Variants in SLCO6A1 observed in about 807,000 individuals in gnomAD.
SLCO6A1 encodes the protein cancer/testis antigen 48.
In SLCO6A1, 65 loss-of-function variants were observed where a neutral mutation model predicts 72.7. The ratio of observed to expected loss-of-function variants is 0.89; its 90% CI spans 0.73 to 1.10. The LOEUF (loss-of-function observed/expected upper bound fraction) is 1.10. SLCO6A1 is among the 50% of genes least tolerant of loss of function. SLCO6A1 has a pLI of 0.00. For synonymous variants in SLCO6A1, 314 were observed against 298.2 expected (o/e 1.05, Z -0.55); for missense variants, 874 against 872.6 (o/e 1.00, Z -0.02).
At position 102,426,885 on chromosome 5, in the gene SLCO6A1, T is replaced by C. The variant is rs541954223; in HGVS notation, c.1277-6864A>G. On this transcript the variant is annotated intron_variant, in intron 7 of 13. Transcript: ENST00000506729. ...AAGCAACCCAAATGCCCATTCATGA[T>C]AGACGGGATAAAGAAAATGTGGCAC... Among the ~76,000 whole-genome samples, 5 of 152,018 alleles carry C rather than the reference T, an allele frequency of 3.3e-5. No individual in the cohort carries two copies. The South Asian group carries it at 1.0e-3, about 31-fold the overall frequency.
intron 6 of SLCO6A1, among the ~76,000 whole-genome samples, chr5:102,456,316 G>T (rs925754367): frequency 3.3e-5 from 5 of 152,112 alleles, no homozygotes; most frequent in Admixed American, 2.6e-4. Context: ...AAGTCAAATT[G>T]TCCCTGTTTG....
chr5:102,376,901 G>C (rs1372434738), intron 12 of SLCO6A1, among the ~76,000 whole-genome samples: 1 of 152,100 alleles, frequency 6.6e-6, no homozygotes, highest in Non-Finnish European at 1.5e-5. Flanking sequence ...ACAGTGGCTA[G>C]CACCTGTAAT....
In SLCO6A1 at chr5:102,376,930, G is replaced by A. The variant is rs540394363; in HGVS notation, c.2018-3436C>T. Among the ~76,000 whole-genome samples the A allele has an allele frequency of 9.3e-4, 141 of 152,230 alleles. 1 individual carries two copies. The highest frequency in any genetic ancestry group is 3.0e-3 in the African/African-American group (124 of 41,560). On this transcript the variant is annotated intron_variant, in intron 12 of 13. Transcript: ENST00000506729. Reference sequence around the variant, plus strand: ...CTGTAATTCCAAAACCTTGGGAGGCGAGGCAGGAGGATCACTTGAGGCCAG... The same window carrying A: ...CTGTAATTCCAAAACCTTGGGAGGCAAGGCAGGAGGATCACTTGAGGCCAG...
intron 9 of SLCO6A1, among the ~76,000 whole-genome samples, chr5:102,405,230 A>G (rs1747609663): frequency 6.6e-6 from 1 of 152,050 alleles, no homozygotes; most frequent in Admixed American, 6.5e-5. Flanking sequence ...TGAATTGTGA[A>G]GGAGAAGAGA....
intron 6 of SLCO6A1, among the ~76,000 whole-genome samples, chr5:102,439,353 C>A (rs1272213429): frequency 6.6e-6 from 1 of 151,996 alleles, no homozygotes; most frequent in African/African-American, 2.4e-5. Flanking sequence ...ATATACTACA[C>A]AGAGTAATTA....
chr5:102,479,441 CA>C (rs1752074441), intron 2 of SLCO6A1, among the ~76,000 whole-genome samples: 1 of 152,152 alleles, frequency 6.6e-6, no homozygotes, highest in East Asian at 1.9e-4. Flanking sequence ...TTTTAAATGT[CA>C]AAAATAATAA....
At chr5:102,406,613 A>G (rs1483214350) in intron 9 of SLCO6A1, among the ~76,000 whole-genome samples, 1 of 152,174 alleles carries the variant, frequency 6.6e-6, no homozygotes, top group Non-Finnish European at 1.5e-5. Context: ...AAGTAGATTC[A>G]TAGGTGAACT....
chr5:102,479,963 A>G (rs1033723125), intron 2 of SLCO6A1, among the ~76,000 whole-genome samples: 1 of 152,232 alleles, frequency 6.6e-6, no homozygotes, highest in African/African-American at 2.4e-5. Flanking sequence ...GTTTTCTATC[A>G]ATAGACTAAA....
intron 8 of SLCO6A1, among the ~76,000 whole-genome samples, chr5:102,413,383 A>G (rs1748097566): frequency 1.4e-5 from 2 of 145,072 alleles, no homozygotes; most frequent in Non-Finnish European, 2.9e-5. Flanking sequence ...CATAATAATC[A>G]AAAGTTTATT....
chr5:102,444,867 C>T (rs918137733), intron 6 of SLCO6A1, among the ~76,000 whole-genome samples: 3 of 152,078 alleles, frequency 2.0e-5, no homozygotes, highest in African/African-American at 7.2e-5. Context: ...GAATAATGGC[C>T]TCCAGCTACT....
intron 4 of SLCO6A1, among the ~76,000 whole-genome samples, chr5:102,466,535 AC>A (rs1436618788): frequency 6.6e-6 from 1 of 152,060 alleles, no homozygotes; most frequent in Non-Finnish European, 1.5e-5. Flanking sequence ...TTTGGTATAT[AC>A]CCAGTAATAG....
intron 12 of SLCO6A1, among the ~76,000 whole-genome samples, chr5:102,380,488 G>C (rs1746047431): frequency 6.6e-6 from 1 of 151,884 alleles, no homozygotes; most frequent in African/African-American, 2.4e-5. Context: ...CTTTTCCCCA[G>C]GAGGAAAAAA....
intron 12 of SLCO6A1, among the ~76,000 whole-genome samples, chr5:102,381,186 C>T (rs1484802380): frequency 6.6e-6 from 1 of 151,706 alleles, no homozygotes; most frequent in South Asian, 2.1e-4. Context: ...TTTATTACTT[C>T]TGTCTAACTA....
intron 12 of SLCO6A1, among the ~76,000 whole-genome samples, chr5:102,375,619 A>G (rs921473665): frequency 3.9e-5 from 6 of 152,178 alleles, no homozygotes; most frequent in African/African-American, 1.4e-4. Flanking sequence ...ACTTTAAAAT[A>G]ATAATAGTTA....
intron 7 of SLCO6A1, among the ~76,000 whole-genome samples, chr5:102,422,284 G>T (rs1042671281): frequency 3.3e-5 from 5 of 152,202 alleles, no homozygotes; most frequent in Non-Finnish European, 7.3e-5. Context: ...TTCACAAATT[G>T]ACAGAAGTAA....
intron 6 of SLCO6A1, among the ~76,000 whole-genome samples, chr5:102,452,797 T>C (rs533618351): frequency 9.2e-5 from 14 of 152,178 alleles, no homozygotes; most frequent in Non-Finnish European, 1.5e-4. Context: ...AGGAGAAGTA[T>C]ATTTAAACCA....
intron 6 of SLCO6A1, among the ~76,000 whole-genome samples, chr5:102,454,680 G>A (rs1283662074): frequency 6.7e-6 from 1 of 149,712 alleles, no homozygotes; most frequent in Non-Finnish European, 1.5e-5. Context: ...TTCTTTTCTG[G>A]CAGTAAACTT....
At chr5:102,433,355 G>T (rs1413443128) in intron 7 of SLCO6A1, among the ~76,000 whole-genome samples, 1 of 152,164 alleles carries the variant, frequency 6.6e-6, no homozygotes, top group African/African-American at 2.4e-5. Context: ...CTTTTGAATT[G>T]TCAGAGTTCT....
chr5:102,467,709 T>C (rs2112789147), intron 4 of SLCO6A1, among the ~76,000 whole-genome samples: 1 of 152,276 alleles, frequency 6.6e-6, no homozygotes, highest in South Asian at 2.1e-4. Context: ...ATTGAGCTTG[T>C]TTGAATCACC....
Sources: gnomAD v4.1 joint callset for allele counts (sites outside exome capture counted in the v4.1 genomes callset) on GRCh38, gnomAD v4.1.1 for gene constraint, MANE v1.5 for transcripts, NCBI Gene and HGNC (gene_info 2026-07-23, HGNC 2026-07-21) for gene names.